ANKFN1: variants seen among roughly 807,000 people sequenced by gnomAD.
ANKFN1 encodes ankyrin repeat and fibronectin type III domain containing 1.
ANKFN1 carries 74 observed loss-of-function variants against 108.7 expected under a neutral mutation model. The ratio of observed to expected loss-of-function variants is 0.68; its 90% confidence interval spans 0.56 to 0.83. ANKFN1 has a LOEUF of 0.83. Ranked by LOEUF, ANKFN1 falls within the 40% of genes least tolerant of loss-of-function variation. ANKFN1 has a pLI of 0.00. For missense variants in ANKFN1, 1,505 were observed against 1,382.3 expected, an observed-to-expected ratio of 1.09 and a Z score of -1.41; for synonymous variants, 547 against 516.2, an observed-to-expected ratio of 1.06 and a Z score of -0.81.
intron 8 of ANKFN1, among the ~76,000 whole-genome samples, chr17:56,409,848 A>G (rs948765400): frequency 1.6e-4 from 24 of 150,726 alleles, no homozygotes; most frequent in Admixed American, 5.3e-4. Context: ...CAGTTCCTCT[A>G]CTTAGCTGTG....
chr17:56,348,341 G>A (rs2046159514), intron 4 of ANKFN1, among the ~76,000 whole-genome samples: 1 of 151,914 alleles, frequency 6.6e-6, no homozygotes, highest in Admixed American at 6.6e-5. Context: ...AGGGCCTCCT[G>A]GACATTACTA....
intron 10 of ANKFN1, among the ~76,000 whole-genome samples, chr17:56,445,227 C>T (rs1370284912): frequency 6.6e-6 from 1 of 152,176 alleles, no homozygotes; most frequent in East Asian, 1.9e-4. Flanking sequence ...ATGCTAGTCT[C>T]AGTTGACCTG....
chr17:56,288,165 A>G (rs987310409), intron 3 of ANKFN1, among the ~76,000 whole-genome samples: 18 of 152,188 alleles, frequency 1.2e-4, no homozygotes, highest in Non-Finnish European at 2.2e-4. Context: ...AAAAAATGAA[A>G]AAGATATACA....
chr17:56,232,080 A>C (rs1598279265), intron 3 of ANKFN1, among the ~76,000 whole-genome samples: 1 of 151,750 alleles, frequency 6.6e-6, no homozygotes. Flanking sequence ...GAAGAAGCTG[A>C]CTCCTTCCCC....
At chr17:56,126,909 T>C (rs1041068610) in intron 4 of ANKFN1, among the ~76,000 whole-genome samples, 2 of 152,208 alleles carry the variant, frequency 1.3e-5, no homozygotes, top group Non-Finnish European at 2.9e-5. Flanking sequence ...CTCTAAATCA[T>C]GGGGAGACAG....
At chr17:56,175,852 T>A (rs1279792066) in intron 1 of ANKFN1, among the ~76,000 whole-genome samples, 1 of 142,736 alleles carries the variant, frequency 7.0e-6, no homozygotes, top group Non-Finnish European at 1.5e-5. Context: ...CTCTGATTGA[T>A]GCAGCCACAG....
At chr17:56,210,041 TATAG>T (rs919205967) in intron 1 of ANKFN1, among the ~76,000 whole-genome samples, 52 of 143,332 alleles carry the variant, frequency 3.6e-4, no homozygotes, top group African/African-American at 1.3e-3. Context: ...ATATGTATAT[TATAG>T]ATAGATAGAT....
At chr17:56,386,204 A>G (rs1398268477) in intron 8 of ANKFN1, among the ~76,000 whole-genome samples, 1 of 151,930 alleles carries the variant, frequency 6.6e-6, no homozygotes, top group African/African-American at 2.4e-5. Flanking sequence ...CATCATTCTC[A>G]GTAAACTATC....
chr17:56,076,639 G>A (rs577642095), intron 4 of ANKFN1, among the ~76,000 whole-genome samples: 2 of 152,044 alleles, frequency 1.3e-5, no homozygotes, highest in African/African-American at 4.8e-5. Flanking sequence ...TTAAGCTTCC[G>A]TTTCTCCATC....
At chr17:56,206,587 G>C (rs908462173) in intron 1 of ANKFN1, 3 of 152,174 alleles carry the variant, frequency 2.0e-5, no homozygotes, top group Non-Finnish European at 2.9e-5. Flanking sequence ...GGGTGAGAAG[G>C]GTTGGCAGAA....
chr17:56,392,172 CTG>C (rs1241758159), intron 8 of ANKFN1, among the ~76,000 whole-genome samples: 7 of 152,210 alleles, frequency 4.6e-5, no homozygotes, highest in African/African-American at 1.7e-4. Flanking sequence ...GTTGAGAAAA[CTG>C]AGATACAAGG....
intron 15 of ANKFN1, among the ~76,000 whole-genome samples, chr17:56,468,386 G>A (rs764478677): frequency 5.3e-5 from 8 of 151,934 alleles, no homozygotes; most frequent in African/African-American, 4.8e-5. Flanking sequence ...ACATTCTTTT[G>A]TGAACATGGG....
chr17:56,236,944 C>A (rs1268710974), intron 3 of ANKFN1, among the ~76,000 whole-genome samples: 1 of 151,712 alleles, frequency 6.6e-6, no homozygotes, highest in African/African-American at 2.4e-5. Context: ...GAGCTATGTT[C>A]CTTCACTGAG....
intron 18 of ANKFN1, among the ~76,000 whole-genome samples, chr17:56,490,884 A>G (rs1483786659): frequency 6.6e-6 from 1 of 152,092 alleles, no homozygotes; most frequent in East Asian, 1.9e-4. Context: ...CTTCCATGGA[A>G]GGAAAGACAG....
chr17:56,130,964 T>G (rs1451075030), intron 4 of ANKFN1, among the ~76,000 whole-genome samples: 1 of 152,130 alleles, frequency 6.6e-6, no homozygotes, highest in Non-Finnish European at 1.5e-5. Flanking sequence ...GTGAGTCACT[T>G]AAAAGATTAC....
At position 56,374,659 on chromosome 17, in the gene ANKFN1, T is replaced by A. The variant is rs1598480236; in HGVS notation, c.855T>A (p.Thr285=). The A allele has an allele frequency of 1.9e-6, 3 of 1,613,992 alleles. No homozygotes were observed. The highest frequency in any genetic ancestry group is 2.5e-6 in the Non-Finnish European group (3 of 1,179,872). ...CLMVTSSTSL[T]VSFQEPLSVN... ...TGGTAACCAGCAGCACATCACTCAC[T>A]GTCAGCTTCCAAGAGCCTCTTAGCG... The change falls in exon 8 of 21, where the codon ACT becomes ACA. Residue 285 remains threonine, a synonymous_variant. Transcript: ENST00000682825.
At chr17:56,272,797 A>G (rs1297482328) in intron 3 of ANKFN1, among the ~76,000 whole-genome samples, 77 of 152,318 alleles carry the variant, frequency 5.1e-4, no homozygotes, top group Admixed American at 5.0e-3. Context: ...CCAATGGTGC[A>G]CCGGTTACAT....
At chr17:56,294,544 T>G (rs2044454760) in intron 3 of ANKFN1, among the ~76,000 whole-genome samples, 1 of 152,102 alleles carries the variant, frequency 6.6e-6, no homozygotes, top group African/African-American at 2.4e-5. Context: ...GCAGAGGGAG[T>G]AGAGGTTTGA....
chr17:56,157,441 G>A lies in ANKFN1; in HGVS notation c.-71+3911G>A, dbSNP rs116734875. 9.6e-3 allele frequency among the ~76,000 whole-genome samples: 1,458 copies of A among 152,250 alleles called. 17 individuals carry two copies. The highest frequency in any genetic ancestry group is 0.033 in the African/African-American group (1,357 of 41,550). On this transcript the variant is annotated intron_variant, in intron 1 of 20. Coordinates refer to ENST00000682825, the MANE Select transcript of ANKFN1 (RefSeq NM_001370326.1). ...GGCTGCTCATCACTTTATACCCTCG[G>A]ATGACCATCATTAGCACACTGGGAA...
Sources: allele counts gnomAD v4.1 joint callset (sites outside exome capture counted in the v4.1 genomes callset), GRCh38; gene constraint gnomAD v4.1.1; transcripts MANE v1.5; gene names NCBI Gene and HGNC (gene_info 2026-07-23, HGNC 2026-07-21).